Variants in VAV3 observed in about 807,000 individuals in gnomAD.
The protein encoded by VAV3 is vav guanine nucleotide exchange factor 3.
A neutral mutation model predicts 131.2 loss-of-function variants in VAV3; 94 were observed. The ratio of observed to expected loss-of-function variants is 0.72; its 90% CI spans 0.61 to 0.85. The LOEUF (loss-of-function observed/expected upper bound fraction) is 0.85. Among genes scored for constraint, VAV3 ranks in the 40% least tolerant of loss-of-function variants. The pLI is 0.00. For missense variants in VAV3, 939 were observed against 1,002.7 expected (o/e 0.94, Z 0.86); for synonymous variants, 349 against 342.0 (o/e 1.02, Z -0.22).
chr1:107,670,149 G>A (rs1657680872), intron 19 of VAV3, among the ~76,000 whole-genome samples: 1 of 152,218 alleles, frequency 6.6e-6, no homozygotes, highest in Non-Finnish European at 1.5e-5. Flanking sequence ...AGCTTGGACT[G>A]AAAGTCATGT....
At chr1:107,896,220 T>C (rs962773918) in intron 1 of VAV3, among the ~76,000 whole-genome samples, 3 of 152,144 alleles carry the variant, frequency 2.0e-5, no homozygotes, top group African/African-American at 7.2e-5. Context: ...TGGACATATA[T>C]CAAATGTTAA....
chr1:107,853,944 C>T (rs934563193), intron 2 of VAV3, among the ~76,000 whole-genome samples: 1 of 152,174 alleles, frequency 6.6e-6, no homozygotes, highest in Non-Finnish European at 1.5e-5. Context: ...ATTAGGTTGT[C>T]ACAGTGTAGG....
intron 15 of VAV3, among the ~76,000 whole-genome samples, chr1:107,728,851 A>G (rs535295578): frequency 2.0e-5 from 3 of 152,320 alleles, no homozygotes; most frequent in African/African-American, 7.2e-5. Flanking sequence ...ACCAAGTATC[A>G]TTTTAATCTT....
intron 18 of VAV3, among the ~76,000 whole-genome samples, chr1:107,685,123 T>C (rs1225651442): frequency 2.6e-5 from 4 of 152,132 alleles, no homozygotes; most frequent in East Asian, 1.9e-4. Context: ...ATTAGTCCCA[T>C]GTAGGAACTA....
intron 3 of VAV3, 61 bp from the exon 4 acceptor site, chr1:107,777,357 C>CAGGCT (rs1665420349): frequency 6.9e-7 from 1 of 1,459,066 alleles, no homozygotes. Context: ...GAGCAACAAT[C>CAGGCT]AGGCTGCGCA....
chr1:107,741,177 A>T lies in VAV3; in HGVS notation c.1502+7791T>A, dbSNP rs138727424. ...TCTGGGCAAAAATATTAACAAAGTG[A>T]ATCTTTTAAATTTTCACATTTGAAT... On this transcript the variant is annotated intron_variant, in intron 15 of 26. Coordinates refer to ENST00000370056, the MANE Select transcript of VAV3 (RefSeq NM_006113.5). 2.2e-3 allele frequency among the ~76,000 whole-genome samples: 331 copies of T among 152,362 alleles called. 1 individual carries two copies. The highest frequency in any genetic ancestry group is 4.1e-3 in the Non-Finnish European group (278 of 68,040).
At chr1:107,652,775 TTTTA>T (rs966887030) in intron 19 of VAV3, among the ~76,000 whole-genome samples, 2 of 152,160 alleles carry the variant, frequency 1.3e-5, no homozygotes, top group African/African-American at 4.8e-5. Flanking sequence ...TTTAAACTAC[TTTTA>T]TTTATTTGTG....
intron 22 of VAV3, among the ~76,000 whole-genome samples, chr1:107,606,677 GCTC>G (rs1363871362): frequency 6.6e-6 from 1 of 151,718 alleles, no homozygotes; most frequent in African/African-American, 2.4e-5. Context: ...ACTTATAAGA[GCTC>G]CTTTTTATTT....
chr1:107,574,963 C>CTCTGTGTGTGTGTGTGTGTG (rs1304869776), intron 25 of VAV3, among the ~76,000 whole-genome samples: 5 of 81,114 alleles, frequency 6.2e-5, no homozygotes, highest in Admixed American at 4.8e-4. Flanking sequence ...TTGAGTTTCT[C>CTCTGTGTGTGTGTGTGTGTG]TGTGTGTGTG....
chr1:107,741,495 G>GA (rs1419516922), intron 15 of VAV3, among the ~76,000 whole-genome samples: 5 of 152,164 alleles, frequency 3.3e-5, no homozygotes, highest in Non-Finnish European at 5.9e-5. Context: ...AAAGACCAGT[G>GA]AAACAGCCGA....
At chr1:107,759,085 T>G (rs1664274618) in intron 10 of VAV3, among the ~76,000 whole-genome samples, 1 of 152,168 alleles carries the variant, frequency 6.6e-6, no homozygotes, top group African/African-American at 2.4e-5. Flanking sequence ...ACCTTACATG[T>G]ACCTATCATA....
chr1:107,875,080 T>C, intron 1 of VAV3, 63 bp from the exon 2 acceptor site: 1 of 1,377,474 alleles, frequency 7.3e-7, no homozygotes, highest in Non-Finnish European at 1.0e-6. Flanking sequence ...CCACCCTCTG[T>C]AACACTCAAG....
chr1:107,796,245 G>A (rs1265582410), intron 2 of VAV3, among the ~76,000 whole-genome samples: 1 of 152,098 alleles, frequency 6.6e-6, no homozygotes, highest in Non-Finnish European at 1.5e-5. Flanking sequence ...AGGTCACATG[G>A]TCTCTGGGCC....
At chr1:107,625,807 T>TAC (rs1264984870) in intron 20 of VAV3, among the ~76,000 whole-genome samples, 3 of 152,250 alleles carry the variant, frequency 2.0e-5, no homozygotes, top group Non-Finnish European at 2.9e-5. Context: ...TGCACATGCA[T>TAC]ACTTTACTGA....
chr1:107,647,832 T>A (rs906408805), intron 19 of VAV3, among the ~76,000 whole-genome samples: 12 of 152,026 alleles, frequency 7.9e-5, no homozygotes, highest in African/African-American at 2.9e-4. Flanking sequence ...CCTTTATAAA[T>A]TAACATCTGG....
intron 2 of VAV3, among the ~76,000 whole-genome samples, chr1:107,813,966 C>CTGTGTG (rs1557862656): frequency 2.2e-4 from 19 of 85,804 alleles, no homozygotes; most frequent in African/African-American, 8.0e-4. Flanking sequence ...AATAGTACTC[C>CTGTGTG]AGTGTGTGTG....
At chr1:107,719,961 AG>A (rs1192207262) in intron 15 of VAV3, among the ~76,000 whole-genome samples, 4 of 152,236 alleles carry the variant, frequency 2.6e-5, no homozygotes, top group African/African-American at 9.6e-5. Context: ...TCACAAGGAC[AG>A]AAAACCAAAC....
chr1:107,864,786 T>C (rs1669904922), intron 2 of VAV3, among the ~76,000 whole-genome samples: 2 of 152,182 alleles, frequency 1.3e-5, no homozygotes, highest in South Asian at 2.1e-4. Flanking sequence ...TTATCACTGG[T>C]TGTAATTATC....
chr1:107,581,831 T>A (rs1650075768), intron 25 of VAV3, among the ~76,000 whole-genome samples: 1 of 152,178 alleles, frequency 6.6e-6, no homozygotes, highest in South Asian at 2.1e-4. Flanking sequence ...ATATTTGAAA[T>A]TTTTACACAT....
Sources: gnomAD v4.1 joint callset for allele counts (sites outside exome capture counted in the v4.1 genomes callset) on GRCh38, gnomAD v4.1.1 for gene constraint, MANE v1.5 for transcripts, NCBI Gene and HGNC (gene_info 2026-07-23, HGNC 2026-07-21) for gene names.